BRCA1: variants seen among roughly 807,000 people sequenced by gnomAD.
BRCA1 encodes the protein breast cancer type 1 susceptibility protein.
Under a neutral mutation model 173.7 loss-of-function variants are expected in BRCA1, and 140 were observed. The observed-to-expected ratio is 0.81, with a 90% CI of 0.70 to 0.93. The LOEUF (loss-of-function observed/expected upper bound fraction) is 0.93. Among genes scored for constraint, BRCA1 ranks in the 40% least tolerant of loss-of-function variants. The probability of loss-of-function intolerance (pLI) is 0.00; values close to 1 mark genes in which losing one functional copy is unlikely to be tolerated. For synonymous variants in BRCA1, 662 were observed against 756.0 expected (o/e 0.88, Z 2.04); for missense variants, 1,983 against 2,172.5 (o/e 0.91, Z 1.73).
chr17:43,155,823 C>T (rs2056193516), intron 1 of BRCA1, among the ~76,000 whole-genome samples: 1 of 152,120 alleles, frequency 6.6e-6, no homozygotes, highest in Non-Finnish European at 1.5e-5. Context: ...ACACTTAGCC[C>T]TAAATGTGAA....
intron 1 of BRCA1, chr17:43,131,367 C>G (rs8079162): frequency 3.6e-5 from 14 of 384,474 alleles, no homozygotes; most frequent in African/African-American, 2.8e-4. Flanking sequence ...GCGCTTAGCT[C>G]ATTTGTGTCT....
Position 43,071,157 on chromosome 17 carries a change from T to G in BRCA1, c.4757A>C (p.Glu1586Ala), listed in dbSNP as rs765189603. The change falls in exon 15 of 23, where the codon GAG (glutamate) becomes GCG (alanine). Residue 1586 changes from glutamate to alanine, a missense_variant. Physicochemically the swap from Glu to Ala is moderately radical, Grantham distance 107. Coordinates refer to ENST00000357654, the MANE Select transcript of BRCA1 (RefSeq NM_007294.4). Reference sequence around the variant, plus strand: ...TGGTATGTTGCCAACACGAGCTGACTCTGGGGCTCTGTCTTCAGAAGGATC... The same window carrying G: ...TGGTATGTTGCCAACACGAGCTGACGCTGGGGCTCTGTCTTCAGAAGGATC... Reference protein sequence around the residue: ...ESDPSEDRAPESARVGNIPSS... With the variant: ...ESDPSEDRAPASARVGNIPSS... 1 of 1,614,110 alleles carries G rather than the reference T, an allele frequency of 6.2e-7. No individual in the cohort carries two copies. Among genetic ancestry groups the G allele is most frequent in the African/African-American group, 1.3e-5 (1 of 74,942 alleles).
intron 1 of BRCA1, among the ~76,000 whole-genome samples, chr17:43,132,232 C>G (rs1490458514): frequency 6.6e-6 from 1 of 152,144 alleles, no homozygotes; most frequent in Non-Finnish European, 1.5e-5. Flanking sequence ...GGGGTTGTGA[C>G]TGACTTCTCT....
At chr17:43,127,742 CG>C (rs1567826176), upstream of BRCA1, among the ~76,000 whole-genome samples, 1 of 151,914 alleles carries the variant, frequency 6.6e-6, no homozygotes, top group African/African-American at 2.4e-5. Context: ...CAGGCTGCCC[CG>C]CTGGGTGCCA....
rs897017582 is a variant in BRCA1 at position 43,095,016 on chromosome 17, T to G, written c.671-156A>C. ...AGTATACTGAAGATGTAGCTCATAC[T>G]CTTTCATTTAATTCCTATTTACCTA... is the stretch of plus-strand genomic sequence containing the variant. On this transcript the variant is annotated intron_variant, in intron 9 of 22. Coordinates refer to ENST00000357654, the MANE Select transcript of BRCA1 (RefSeq NM_007294.4). 6.6e-5 allele frequency among the ~76,000 whole-genome samples: 10 copies of G among 152,186 alleles called. No homozygotes were observed. Among genetic ancestry groups the G allele is most frequent in the Non-Finnish European group, 1.2e-4 (8 of 68,028 alleles).
rs1555594069 is a variant in BRCA1 at position 43,097,275 on chromosome 17, C to T, written c.562G>A (p.Glu188Lys). Residue 188 changes from glutamate (E) to lysine (K), a missense_variant, in exon 8 of 23, where the codon GAA (glutamate) becomes AAA (lysine). Coordinates refer to ENST00000357654, the MANE Select transcript of BRCA1 (RefSeq NM_007294.4). ...VYIELGSDSS[E>K]DTVNKATYCS... ...TAAGTTGCCTTATTAACGGTATCTTCAGAAGAATCAGATCCTAAAAAATTT... is the reference window on the plus strand; with the variant it reads ...TAAGTTGCCTTATTAACGGTATCTTTAGAAGAATCAGATCCTAAAAAATTT... 1.2e-6 allele frequency: 2 copies of T among 1,613,550 alleles called. No homozygotes were observed. Among genetic ancestry groups the T allele is most frequent in the Non-Finnish European group, 1.7e-6 (2 of 1,179,716 alleles).
chr17:43,156,244 GAAAA>G (rs200961569), intron 1 of BRCA1, among the ~76,000 whole-genome samples: 1 of 140,114 alleles, frequency 7.1e-6, no homozygotes, highest in Non-Finnish European at 1.6e-5. Context: ...CTCAAAAAAA[GAAAA>G]AAAAAAAGAA....
At chr17:43,160,182 C>A in intron 1 of BRCA1, 1 of 152,096 alleles carries the variant, frequency 6.6e-6, no homozygotes, top group Non-Finnish European at 1.5e-5. Context: ...GCTGGGACTA[C>A]AGGCACCCGC....
intron 1 of BRCA1, chr17:43,124,716 G>T (rs551694493): frequency 4.4e-5 from 8 of 179,886 alleles, no homozygotes; most frequent in African/African-American, 1.7e-4. Context: ...CTTCCACAAG[G>T]TCCCATCCTC....
intron 1 of BRCA1, chr17:43,169,927 G>C: frequency 2.2e-6 from 1 of 454,136 alleles, no homozygotes; most frequent in Non-Finnish European, 4.4e-6. Flanking sequence ...ACGTTGGCCA[G>C]GACCTTTGCA....
At chr17:43,169,793 C>A in intron 1 of BRCA1, 1 of 249,358 alleles carries the variant, frequency 4.0e-6, no homozygotes, top group Non-Finnish European at 8.0e-6. Context: ...CTCCTGAGCC[C>A]AGGGGCCCAG....
chr17:43,054,893 G>A (rs895667087), intron 19 of BRCA1, among the ~76,000 whole-genome samples: 3 of 151,948 alleles, frequency 2.0e-5, no homozygotes, highest in Non-Finnish European at 2.9e-5. Flanking sequence ...AGGATTACAG[G>A]TGCCTACCAC....
intron 6 of BRCA1, among the ~76,000 whole-genome samples, chr17:43,101,761 C>T (rs923261778): frequency 2.6e-5 from 4 of 152,130 alleles, no homozygotes; most frequent in African/African-American, 7.2e-5. Context: ...CTCAGCCTCC[C>T]GAAGTGCTGG....
rs760038328 is a variant in BRCA1 at position 43,067,646 on chromosome 17, A to G, written c.5036T>C (p.Leu1679Pro). Residue 1679 changes from leucine (L) to proline (P), a missense_variant, in exon 16 of 23, where the codon CTA (leucine) becomes CCA (proline). By Grantham distance (98) the Leu-to-Pro change is moderately conservative. Coordinates refer to ENST00000357654, the MANE Select transcript of BRCA1 (RefSeq NM_007294.4). ...ARKHHITLTN[L>P]ITEETTHVVM... ...AACATGAGTAGTCTCTTCAGTAATT[A>G]GATTAGTTAAAGTGATGTGGTGTTT... 6.2e-7 allele frequency: 1 copy of G among 1,613,474 alleles called. No individual in the cohort carries two copies. Among genetic ancestry groups the G allele is most frequent in the Admixed American group, 1.7e-5 (1 of 60,006 alleles).
intron 3 of BRCA1, chr17:43,110,594 A>G: frequency 2.4e-6 from 1 of 408,176 alleles, no homozygotes. Context: ...TCTCAAAAAA[A>G]AAAAAAAAAA....
chr17:43,159,531 T>C (rs908507241), intron 1 of BRCA1: 36 of 188,308 alleles, frequency 1.9e-4, no homozygotes, highest in African/African-American at 8.3e-4. Flanking sequence ...GGTTGCCAGG[T>C]AGAGGGTCTC....
chr17:43,142,296 G>C (rs1279176770), intron 1 of BRCA1, among the ~76,000 whole-genome samples: 1 of 152,108 alleles, frequency 6.6e-6, no homozygotes. Flanking sequence ...TTTCTGTCCT[G>C]GTGACTTAAC....
chr17:43,094,510 C>A lies in BRCA1; in HGVS notation c.1021G>T (p.Asp341Tyr), dbSNP rs756987689. Residue 341 changes from aspartate (D) to tyrosine (Y), a missense_variant, in exon 10 of 23, where the codon GAT becomes TAT. Coordinates refer to ENST00000357654, the MANE Select transcript of BRCA1 (RefSeq NM_007294.4). ...TCACACAGGGGATCAGCATTCAGAT[C>A]TACCTTTTTTTCTGTGCTGGGAGTC... is the stretch of plus-strand genomic sequence containing the variant. Reference protein sequence around the residue: ...RRTPSTEKKVDLNADPLCERK... With the variant: ...RRTPSTEKKVYLNADPLCERK... 1 of 1,614,036 alleles carries A rather than the reference C, an allele frequency of 6.2e-7. No individual in the cohort carries two copies. The highest frequency in any genetic ancestry group is 1.1e-5 in the South Asian group (1 of 91,080).
chr17:43,093,704 ATTCT>A lies in BRCA1; in HGVS notation c.1823_1826del (p.Lys608IlefsTer3), dbSNP rs80357585. ...TGGTAGAAGACTTCCTCCTCAGCCT[ATTCT>A]TTTTAGGTGCTTTTGAATTGTGGAT... On this transcript the variant is annotated frameshift_variant, in exon 10 of 23. Coordinates refer to ENST00000357654, the MANE Select transcript of BRCA1 (RefSeq NM_007294.4). LOFTEE classifies it high-confidence loss of function. 3.1e-6 allele frequency: 5 copies of A among 1,614,014 alleles called. No homozygotes were observed. The highest frequency in any genetic ancestry group is 4.2e-6 in the Non-Finnish European group (5 of 1,179,980).
Sources: allele counts gnomAD v4.1 joint callset (sites outside exome capture counted in the v4.1 genomes callset), GRCh38; gene constraint gnomAD v4.1.1; transcripts MANE v1.5; gene names NCBI Gene and HGNC (gene_info 2026-07-23, HGNC 2026-07-21).